Variants in LTF observed in about 807,000 individuals in gnomAD.
LTF encodes lactotransferrin.
In LTF, 91 loss-of-function variants were observed where a neutral mutation model predicts 87.2. That is an observed-to-expected ratio of 1.04 (90% confidence interval 0.88 to 1.24). LTF has a LOEUF of 1.24. Among genes scored for constraint, LTF ranks in the 50% most tolerant of loss-of-function variants. The pLI, the probability that LTF is intolerant of heterozygous loss-of-function variation, is 0.00. For missense variants in LTF, 901 were observed against 904.3 expected (o/e 1.00, Z 0.05); for synonymous variants, 378 against 356.1 (o/e 1.06, Z -0.69).
At chr3:46,461,182 G>A (rs1703072104) in intron 1 of LTF, among the ~76,000 whole-genome samples, 1 of 152,198 alleles carries the variant, frequency 6.6e-6, no homozygotes, top group Non-Finnish European at 1.5e-5. Context: ...GTGGAGAAGT[G>A]GAAACCCTCA....
chr3:46,442,564 G>A (rs1202094255), intron 13 of LTF, among the ~76,000 whole-genome samples: 1 of 150,186 alleles, frequency 6.7e-6, no homozygotes, highest in Non-Finnish European at 1.5e-5. Context: ...CAGCATTTCT[G>A]AGTAGAATCA....
chr3:46,482,659 A>AAGGAAGGAAG (rs1703458846), intron 1 of LTF, among the ~76,000 whole-genome samples: 5 of 60,266 alleles, frequency 8.3e-5, no homozygotes, highest in Admixed American at 1.7e-4. Context: ...AAAGAAAGAA[A>AAGGAAGGAAG]GAAGGAAGGA....
At chr3:46,437,787 A>G (rs528424162) in intron 16 of LTF, among the ~76,000 whole-genome samples, 153 bp downstream of exon 16, 1 of 152,278 alleles carries the variant, frequency 6.6e-6, no homozygotes, top group East Asian at 1.9e-4. Context: ...TAATTATTTT[A>G]TCAATGAGAT....
intron 12 of LTF, 150 bp downstream of exon 12, chr3:46,445,131 G>T (rs1161067061): frequency 8.0e-6 from 6 of 751,888 alleles, no homozygotes; most frequent in African/African-American, 1.8e-5. Flanking sequence ...CCTCCAGGGG[G>T]CAGCCACAGG....
At chr3:46,449,418 G>A (rs936080380) in intron 8 of LTF, among the ~76,000 whole-genome samples, 2 of 152,016 alleles carry the variant, frequency 1.3e-5, no homozygotes, top group African/African-American at 2.4e-5. Context: ...CAATAACTAC[G>A]GTGCAGCCTC....
At position 46,445,441 on chromosome 3, in the gene LTF, C is replaced by T; in HGVS notation, c.1358-5G>A. 6.2e-7 allele frequency: 1 copy of T among 1,608,648 alleles called. No individual in the cohort carries two copies. The highest frequency in any genetic ancestry group is 1.3e-5 in the African/African-American group (1 of 74,798). On this transcript the variant is annotated splice_region_variant and splice_polypyrimidine_tract_variant and intron_variant, in intron 11 of 16. Transcript: ENST00000231751. ...CCACCGCCACAGCAAGATATCCTGG[C>T]ATAACAGATGACAGAAAAACAAGTC...
chr3:46,471,152 C>T (rs72900273), intron 1 of LTF, among the ~76,000 whole-genome samples: 8,193 of 152,120 alleles, frequency 0.054, 773 homozygotes, highest in African/African-American at 0.19. Flanking sequence ...GTCTGTTCTC[C>T]AACATGGCCC....
chr3:46,446,479 T>C lies in LTF; in HGVS notation c.1318A>G (p.Ser440Gly). The C allele has an allele frequency of 1.9e-6, 3 of 1,613,942 alleles. No individual in the cohort carries two copies. The highest frequency in any genetic ancestry group is 2.5e-6 in the Non-Finnish European group (3 of 1,179,844). The change falls in exon 11 of 17, where the codon AGT (serine) becomes GGT (glycine). Residue 440 changes from serine (S) to glycine (G), a missense_variant. Physicochemically the swap from Ser to Gly is moderately conservative, Grantham distance 56. Transcript: ENST00000231751. ...LAENYKSQQS[S>G]DPDPNCVDRP... ...TCCACACAGTTAGGATCAGGGTCAC[T>C]GCTTTGTTGGGATTCTGAAAGAATA...
At chr3:46,454,460 T>G (rs548250009) in intron 5 of LTF, 100 bp from the exon 6 acceptor site, 1 of 1,047,996 alleles carries the variant, frequency 9.5e-7, no homozygotes, top group African/African-American at 1.6e-5. Context: ...GGGTTTCTAC[T>G]CCCTGCAGGG....
chr3:46,454,089 G>A lies in LTF; in HGVS notation c.703+216C>T, dbSNP rs997496633. 5 of 568,846 alleles carry A rather than the reference G, an allele frequency of 8.8e-6. No homozygotes were observed. The Admixed American group carries it at 1.2e-4, about 14-fold the overall frequency. The allele number at this position is 568,846 out of a possible 1,614,324, so 35.2% of individuals were successfully genotyped here. ...ACGCATTGCCAAGCACCTAGGCATG[G>A]GTGTCTATGAGGGGAAGAGAAAGGC... On this transcript the variant is annotated intron_variant, in intron 6 of 16. Coordinates refer to ENST00000231751, the MANE Select transcript of LTF (RefSeq NM_002343.6).
intron 2 of LTF, among the ~76,000 whole-genome samples, chr3:46,458,536 T>A (rs979298900): frequency 4.6e-5 from 7 of 152,230 alleles, no homozygotes; most frequent in Non-Finnish European, 1.0e-4. Flanking sequence ...GGAATCTGCA[T>A]TTTAAACAAG....
chr3:46,449,019 T>A lies in LTF; in HGVS notation c.1058-2A>T, dbSNP rs749990490. On this transcript the variant is annotated splice_acceptor_variant, in intron 8 of 16. Transcript: ENST00000231751. LOFTEE classifies it high-confidence loss of function. ...GCCGGGCAGCCACTTCCTCCTCACC[T>A]GCCAGAGGGAAGACCGCAGGTGGCT... is the stretch of plus-strand genomic sequence containing the variant. 2 of 1,604,524 alleles carry A rather than the reference T, an allele frequency of 1.2e-6. No individual in the cohort carries two copies. Among genetic ancestry groups the A allele is most frequent in the Admixed American group, 1.7e-5 (1 of 58,154 alleles).
chr3:46,446,605 G>T, intron 10 of LTF, 112 bp from the exon 11 acceptor site: 1 of 845,346 alleles, frequency 1.2e-6, no homozygotes, highest in Non-Finnish European at 1.9e-6. Flanking sequence ...CGTCCCAGCA[G>T]TTCCATGCAG....
At chr3:46,456,189 G>T in intron 3 of LTF, 101 bp downstream of exon 3, 3 of 1,095,444 alleles carry the variant, frequency 2.7e-6, no homozygotes, top group South Asian at 2.8e-5. Flanking sequence ...TGTGTGATGT[G>T]ACCCAGACTC....
chr3:46,453,191 G>T (rs1702843600), intron 6 of LTF, among the ~76,000 whole-genome samples: 1 of 152,218 alleles, frequency 6.6e-6, no homozygotes, highest in African/African-American at 2.4e-5. Context: ...AGAAAGGGAA[G>T]CCCAAACGGC....
At chr3:46,477,724 G>A (rs1703378106) in intron 1 of LTF, among the ~76,000 whole-genome samples, 1 of 152,226 alleles carries the variant, frequency 6.6e-6, no homozygotes. Flanking sequence ...ATTAATAAAT[G>A]AATGGATGTA....
At chr3:46,462,095 C>T (rs778327876) in intron 1 of LTF, among the ~76,000 whole-genome samples, 1 of 152,182 alleles carries the variant, frequency 6.6e-6, no homozygotes, top group Admixed American at 6.5e-5. Context: ...GCCTTGGAAG[C>T]CTTTATAGAA....
intron 1 of LTF, among the ~76,000 whole-genome samples, chr3:46,460,375 G>A (rs533398659): frequency 6.6e-6 from 1 of 152,304 alleles, no homozygotes; most frequent in African/African-American, 2.4e-5. Context: ...TGAGGTAAAT[G>A]GTAAGTCAGT....
Position 46,456,314 on chromosome 3 carries a change from C to G in LTF, c.292G>C (p.Ala98Pro). The change falls in exon 3 of 17, where the codon GCG becomes CCG. Residue 98 changes from alanine to proline, a missense_variant. Coordinates refer to ENST00000231751, the MANE Select transcript of LTF (RefSeq NM_002343.6). ...CGTCTTTCGGTCCCGTAGACTTCCGCCGCTACAGGTCGCAGTTTGTAGGGG... is the reference window on the plus strand; with the variant it reads ...CGTCTTTCGGTCCCGTAGACTTCCGGCGCTACAGGTCGCAGTTTGTAGGGG... Reference protein sequence around the residue: ...LAPYKLRPVAAEVYGTERQPR... With the variant: ...LAPYKLRPVAPEVYGTERQPR... 1 of 1,614,098 alleles carries G rather than the reference C, an allele frequency of 6.2e-7. No individual in the cohort carries two copies.
Sources: gnomAD v4.1 joint callset for allele counts (sites outside exome capture counted in the v4.1 genomes callset) on GRCh38, gnomAD v4.1.1 for gene constraint, MANE v1.5 for transcripts, NCBI Gene and HGNC (gene_info 2026-07-23, HGNC 2026-07-21) for gene names.